Variants in SEMA5A observed in about 807,000 individuals in gnomAD.
The protein encoded by SEMA5A is semaphorin-5A.
Under a neutral mutation model 135.5 loss-of-function variants are expected in SEMA5A, and 55 were observed. That is an observed-to-expected ratio of 0.41 (90% CI 0.33 to 0.51). SEMA5A has a LOEUF of 0.51. SEMA5A is among the 20% of genes least tolerant of loss of function. SEMA5A has a pLI of 0.37. For missense variants in SEMA5A, 1,290 were observed against 1,419.9 expected (o/e 0.91, Z 1.47); for synonymous variants, 580 against 546.5 (o/e 1.06, Z -0.85).
At chr5:9,240,217 T>C (rs1407802512) in intron 5 of SEMA5A, among the ~76,000 whole-genome samples, 1 of 152,026 alleles carries the variant, frequency 6.6e-6, no homozygotes, top group East Asian at 1.9e-4. Flanking sequence ...AAAAATTAAT[T>C]TCCTAAGGCA....
At chr5:9,104,689 C>T (rs572608293) in intron 16 of SEMA5A, among the ~76,000 whole-genome samples, 8 of 152,304 alleles carry the variant, frequency 5.3e-5, no homozygotes, top group African/African-American at 1.9e-4. Flanking sequence ...CAGGTCAAAT[C>T]TCACAGTGAC....
intron 2 of SEMA5A, among the ~76,000 whole-genome samples, chr5:9,433,430 T>C (rs1757923776): frequency 6.6e-6 from 1 of 151,958 alleles, no homozygotes; most frequent in African/African-American, 2.4e-5. Context: ...GCAAATGAAA[T>C]AGCGGAAAAA....
intron 13 of SEMA5A, among the ~76,000 whole-genome samples, chr5:9,128,313 G>A (rs1030821483): frequency 2.6e-5 from 4 of 152,300 alleles, no homozygotes; most frequent in African/African-American, 7.2e-5. Flanking sequence ...TCTAGAAACC[G>A]ACATGTGACC....
chr5:9,455,257 AT>A (rs5865834), intron 1 of SEMA5A, among the ~76,000 whole-genome samples: 27,251 of 148,750 alleles, frequency 0.18, 3,158 homozygotes, highest in African/African-American at 0.34. Context: ...TTATTTATTT[AT>A]TTTTTTTTTT....
At chr5:9,370,785 T>C (rs1755104092) in intron 3 of SEMA5A, among the ~76,000 whole-genome samples, 1 of 152,192 alleles carries the variant, frequency 6.6e-6, no homozygotes, top group African/African-American at 2.4e-5. Context: ...GTGGCTTACC[T>C]TGTGCTGATA....
At chr5:9,078,677 A>T (rs989305308) in intron 16 of SEMA5A, among the ~76,000 whole-genome samples, 3 of 152,142 alleles carry the variant, frequency 2.0e-5, no homozygotes, top group Non-Finnish European at 4.4e-5. Context: ...TAATAATAGG[A>T]TTTGTATGGG....
intron 5 of SEMA5A, among the ~76,000 whole-genome samples, chr5:9,253,521 A>G (rs1748909436): frequency 1.3e-5 from 2 of 152,148 alleles, no homozygotes; most frequent in Non-Finnish European, 2.9e-5. Flanking sequence ...GCTCATCATT[A>G]TATTTGCATA....
intron 1 of SEMA5A, chr5:9,517,162 G>A (rs1736577300): frequency 6.6e-6 from 1 of 152,176 alleles, no homozygotes. Context: ...GTGGGAGCAA[G>A]CCCACCTTGT....
chr5:9,293,986 T>C (rs1751209645), intron 5 of SEMA5A, among the ~76,000 whole-genome samples: 1 of 152,322 alleles, frequency 6.6e-6, no homozygotes, highest in East Asian at 1.9e-4. Context: ...CCATGACTTA[T>C]CACAGGGTAG....
intron 1 of SEMA5A, among the ~76,000 whole-genome samples, chr5:9,467,027 G>A (rs1277744289): frequency 6.6e-6 from 1 of 152,246 alleles, no homozygotes; most frequent in Non-Finnish European, 1.5e-5. Context: ...CAAACCAATA[G>A]CCTTCCCCAG....
At position 9,230,158 on chromosome 5, in the gene SEMA5A, C is replaced by CTTTTTTTTT. The variant is rs5865817; in HGVS notation, c.334-3200_334-3192dup. On this transcript the variant is annotated intron_variant, in intron 6 of 22. Transcript: ENST00000382496. ...TGCCACCACCCCTGGCTATTTTTTT[C>CTTTTTTTTT]TTTTTTTTTTTTTTTTTTTTTTGTA... Among the ~76,000 whole-genome samples, 87 of 98,268 alleles carry CTTTTTTTTT rather than the reference C, an allele frequency of 8.9e-4. 1 individual carries two copies. Among genetic ancestry groups the CTTTTTTTTT allele is most frequent in the Non-Finnish European group, 1.1e-3 (56 of 49,500 alleles). The allele number at this position is 98,268 out of a possible 152,430, so 64.5% of individuals were successfully genotyped here.
At chr5:9,296,953 T>C (rs2150599098) in intron 5 of SEMA5A, among the ~76,000 whole-genome samples, 1 of 150,178 alleles carries the variant, frequency 6.7e-6, no homozygotes, top group Middle Eastern at 3.5e-3. Flanking sequence ...GGAGCTTTAA[T>C]GGATTACTGA....
At chr5:9,097,326 G>T (rs190422334) in intron 16 of SEMA5A, among the ~76,000 whole-genome samples, 12 of 152,258 alleles carry the variant, frequency 7.9e-5, no homozygotes, top group African/African-American at 2.9e-4. Context: ...AAACCAAAAT[G>T]CTCAGATTCT....
chr5:9,203,730 G>T (rs972261627), intron 8 of SEMA5A, among the ~76,000 whole-genome samples: 1 of 152,082 alleles, frequency 6.6e-6, no homozygotes, highest in Non-Finnish European at 1.5e-5. Flanking sequence ...AGTCATTGAA[G>T]TATATCAAGT....
chr5:9,249,429 C>T (rs1472112783), intron 5 of SEMA5A, among the ~76,000 whole-genome samples: 2 of 152,184 alleles, frequency 1.3e-5, no homozygotes, highest in Non-Finnish European at 1.5e-5. Context: ...TTTCTTTAAT[C>T]TAGCTGAAGA....
chr5:9,146,226 T>C (rs1742326535), intron 12 of SEMA5A, among the ~76,000 whole-genome samples: 1 of 152,214 alleles, frequency 6.6e-6, no homozygotes, highest in Admixed American at 6.5e-5. Flanking sequence ...TCTTCCTCAC[T>C]GTCCTAATTA....
intron 11 of SEMA5A, among the ~76,000 whole-genome samples, chr5:9,176,909 G>A (rs1341803294): frequency 6.6e-6 from 1 of 152,218 alleles, no homozygotes; most frequent in Non-Finnish European, 1.5e-5. Context: ...CACTGATGGG[G>A]CAGCAGAAAT....
intron 8 of SEMA5A, among the ~76,000 whole-genome samples, chr5:9,210,323 C>A (rs1746274726): frequency 6.6e-6 from 1 of 152,142 alleles, no homozygotes; most frequent in African/African-American, 2.4e-5. Context: ...CAGGATGGAG[C>A]AATACAGTGT....
intron 3 of SEMA5A, among the ~76,000 whole-genome samples, chr5:9,376,839 G>A (rs1384352954): frequency 6.6e-6 from 1 of 152,198 alleles, no homozygotes; most frequent in Non-Finnish European, 1.5e-5. Context: ...AGGGCAACTA[G>A]AATGCAAAGT....
Sources: gnomAD v4.1 joint callset for allele counts (sites outside exome capture counted in the v4.1 genomes callset) on GRCh38, gnomAD v4.1.1 for gene constraint, MANE v1.5 for transcripts, NCBI Gene and HGNC (gene_info 2026-07-23, HGNC 2026-07-21) for gene names.